RHBDL2: variants seen among roughly 807,000 people sequenced by gnomAD.
RHBDL2 encodes the protein rhomboid like 2.
Under a neutral mutation model 31.7 loss-of-function variants are expected in RHBDL2, and 26 were observed. The observed-to-expected ratio is 0.82, with a 90% CI of 0.60 to 1.14. The LOEUF (loss-of-function observed/expected upper bound fraction) is 1.14. Among genes scored for constraint, RHBDL2 ranks in the 50% most tolerant of loss-of-function variants. The pLI, the probability that RHBDL2 is intolerant of heterozygous loss-of-function variation, is 0.00. For synonymous variants in RHBDL2, 123 were observed against 127.2 expected (o/e 0.97, Z 0.22); for missense variants, 336 against 364.4 (o/e 0.92, Z 0.63).
intron 4 of RHBDL2, among the ~76,000 whole-genome samples, chr1:38,909,536 G>A (rs1360135156): frequency 6.6e-6 from 1 of 152,100 alleles, no homozygotes; most frequent in Non-Finnish European, 1.5e-5. Flanking sequence ...AAGGTCAGGA[G>A]TTCGAGACCA....
At chr1:38,907,776 C>A (rs1030981761) in intron 4 of RHBDL2, among the ~76,000 whole-genome samples, 4 of 152,156 alleles carry the variant, frequency 2.6e-5, no homozygotes, top group Non-Finnish European at 4.4e-5. Context: ...AAGCATAAAG[C>A]TATAATTTTT....
At chr1:38,888,738 C>A (rs910274491) in intron 6 of RHBDL2, among the ~76,000 whole-genome samples, 2 of 152,172 alleles carry the variant, frequency 1.3e-5, no homozygotes, top group East Asian at 3.9e-4. Flanking sequence ...TATGAAAACT[C>A]TTAAACCCAC....
rs191663296 is a variant in RHBDL2 at position 38,893,159 on chromosome 1, C to A, written c.670+5G>T. The stretch of plus-strand genomic sequence containing the variant: ...CAGTATGAAGTATTCACAAAACACA[C>A]TTACTTATCAGGATGATGATCAGCA... On this transcript the variant is annotated splice_donor_5th_base_variant and intron_variant, in intron 6 of 7. Transcript: ENST00000372990. 5.6e-5 allele frequency: 86 copies of A among 1,529,290 alleles called. No individual in the cohort carries two copies. In the African/African-American group the frequency reaches 1.1e-3, roughly 20 times the overall value. The allele number at this position is 1,529,290 out of a possible 1,614,324, so 94.7% of individuals were successfully genotyped here. A position where few individuals can be genotyped will look rare whatever the true frequency, so the allele number is the denominator to read the frequency against.
intron 4 of RHBDL2, among the ~76,000 whole-genome samples, chr1:38,903,266 A>G (rs1643018350): frequency 6.6e-6 from 1 of 151,638 alleles, no homozygotes; most frequent in African/African-American, 2.4e-5. Context: ...CAGCCTCCCA[A>G]GTAGCTGGGA....
At chr1:38,895,373 T>C (rs771587342) in intron 5 of RHBDL2, among the ~76,000 whole-genome samples, 10 of 152,166 alleles carry the variant, frequency 6.6e-5, no homozygotes, top group Non-Finnish European at 1.5e-5. Context: ...GAAAAAAATA[T>C]ATAAAACTGT....
chr1:38,921,842 T>A (rs1233966782), intron 1 of RHBDL2, among the ~76,000 whole-genome samples: 1 of 152,160 alleles, frequency 6.6e-6, no homozygotes, highest in Non-Finnish European at 1.5e-5. Context: ...GGATTTAAGA[T>A]CAGCAGCTTT....
intron 5 of RHBDL2, 42 bp downstream of exon 5, chr1:38,895,927 T>G: frequency 1.5e-6 from 2 of 1,320,528 alleles, no homozygotes; most frequent in Non-Finnish European, 2.1e-6. Flanking sequence ...CTGTTTTCTG[T>G]TTTTTTAAGA....
intron 1 of RHBDL2, among the ~76,000 whole-genome samples, chr1:38,923,782 ACT>A (rs1476946748): frequency 1.3e-5 from 2 of 152,078 alleles, no homozygotes; most frequent in African/African-American, 4.8e-5. Context: ...TACTGCACTG[ACT>A]CTGCTTTCTT....
intron 1 of RHBDL2, among the ~76,000 whole-genome samples, chr1:38,937,679 C>T (rs1643525026): frequency 6.6e-6 from 1 of 152,072 alleles, no homozygotes; most frequent in Non-Finnish European, 1.5e-5. Context: ...CCATCTCTAG[C>T]TCTCTGGCAT....
At chr1:38,912,209 G>A (rs576705613) in intron 3 of RHBDL2, among the ~76,000 whole-genome samples, 1 of 151,772 alleles carries the variant, frequency 6.6e-6, no homozygotes, top group East Asian at 1.9e-4. Flanking sequence ...GACCTCAGGT[G>A]ATCTACCTGC....
At chr1:38,888,382 CAAAT>C (rs766687657) in intron 6 of RHBDL2, among the ~76,000 whole-genome samples, 2 of 151,982 alleles carry the variant, frequency 1.3e-5, no homozygotes, top group African/African-American at 2.4e-5. Flanking sequence ...GGGAGGCAAA[CAAAT>C]AAGTAAAACA....
chr1:38,939,526 A>G (rs1174903129), intron 1 of RHBDL2, among the ~76,000 whole-genome samples: 1 of 152,076 alleles, frequency 6.6e-6, no homozygotes, highest in African/African-American at 2.4e-5. Context: ...CAACAACAAA[A>G]GTTAGCTGGG....
chr1:38,939,074 C>T (rs1643537303), intron 1 of RHBDL2, among the ~76,000 whole-genome samples: 1 of 152,124 alleles, frequency 6.6e-6, no homozygotes, highest in Admixed American at 6.6e-5. Flanking sequence ...ACTTTGTAGT[C>T]TCAGGGGATA....
chr1:38,888,341 T>A (rs537017638), intron 6 of RHBDL2, among the ~76,000 whole-genome samples: 13 of 149,496 alleles, frequency 8.7e-5, no homozygotes, highest in African/African-American at 3.2e-4. Flanking sequence ...GCTGACAAAC[T>A]GTTGGGGGGT....
intron 1 of RHBDL2, among the ~76,000 whole-genome samples, chr1:38,920,270 C>T (rs780066310): frequency 4.8e-5 from 7 of 145,420 alleles, no homozygotes; most frequent in Non-Finnish European, 9.0e-5. Context: ...CAGGTTCAAG[C>T]GATTCTCCTG....
chr1:38,900,265 C>T (rs1642972656), intron 4 of RHBDL2, among the ~76,000 whole-genome samples: 1 of 152,016 alleles, frequency 6.6e-6, no homozygotes, highest in African/African-American at 2.4e-5. Flanking sequence ...ACTAAAAATA[C>T]AAAAATTAGC....
chr1:38,910,952 T>C (rs775291329), intron 4 of RHBDL2, among the ~76,000 whole-genome samples: 42 of 128,096 alleles, frequency 3.3e-4, no homozygotes, highest in Middle Eastern at 4.3e-3. Context: ...CTAATTTTTG[T>C]ATTTTTGGTG....
chr1:38,933,969 C>G (rs1643465136), intron 1 of RHBDL2, among the ~76,000 whole-genome samples: 1 of 152,074 alleles, frequency 6.6e-6, no homozygotes, highest in South Asian at 2.1e-4. Flanking sequence ...CTCAAATGAT[C>G]CACCCCCTTT....
At chr1:38,896,152 G>C (rs771352736) in intron 4 of RHBDL2, 83 bp from the exon 5 acceptor site, 103 of 1,059,754 alleles carry the variant, frequency 9.7e-5, no homozygotes, top group Non-Finnish European at 1.2e-4. Flanking sequence ...TAGACATTTG[G>C]GAAGTCTGGT....
Sources: allele counts gnomAD v4.1 joint callset (sites outside exome capture counted in the v4.1 genomes callset), GRCh38; gene constraint gnomAD v4.1.1; transcripts MANE v1.5; gene names NCBI Gene and HGNC (gene_info 2026-07-23, HGNC 2026-07-21).